The following NPAS3 variants were observed in gnomAD, a reference collection of about 807,000 sequenced individuals.
The protein encoded by NPAS3 is neuronal PAS domain protein 3.
Under a neutral mutation model 73.1 loss-of-function variants are expected in NPAS3, and 14 were observed. That is an observed-to-expected ratio of 0.19 (90% confidence interval 0.13 to 0.30). The LOEUF is 0.30. NPAS3 is among the 10% of genes least tolerant of loss of function. NPAS3 has a pLI of 1.00. For synonymous variants in NPAS3, 620 were observed against 541.5 expected, an observed-to-expected ratio of 1.14 and a Z score of -2.01; for missense variants, 1,096 against 1,250.0, an observed-to-expected ratio of 0.88 and a Z score of 1.86.
chr14:33,482,579 C>A (rs761928656), intron 4 of NPAS3, among the ~76,000 whole-genome samples: 1 of 152,044 alleles, frequency 6.6e-6, no homozygotes, highest in Non-Finnish European at 1.5e-5. Context: ...ACTCTAAAAC[C>A]CGAATTTTCA....
At chr14:33,783,848 T>G (rs142224048) in intron 9 of NPAS3, among the ~76,000 whole-genome samples, 2 of 152,338 alleles carry the variant, frequency 1.3e-5, no homozygotes, top group African/African-American at 4.8e-5. Flanking sequence ...CGTATTCATG[T>G]GAAAGCTTGA....
At chr14:33,384,387 G>T (rs1186698986) in intron 4 of NPAS3, among the ~76,000 whole-genome samples, 1 of 151,240 alleles carries the variant, frequency 6.6e-6, no homozygotes, top group African/African-American at 2.4e-5. Context: ...ATGTTTCTGT[G>T]TGTGTGTGTG....
intron 10 of NPAS3, 124 bp downstream of exon 10, chr14:33,794,168 C>T: frequency 2.5e-6 from 2 of 788,084 alleles, no homozygotes; most frequent in Non-Finnish European, 4.0e-6. Flanking sequence ...TGTGGAATTT[C>T]ATGGCAATTC....
chr14:33,363,018 G>C (rs2045676747), intron 3 of NPAS3, among the ~76,000 whole-genome samples: 1 of 152,184 alleles, frequency 6.6e-6, no homozygotes, highest in Non-Finnish European at 1.5e-5. Context: ...TGAAGGGAAA[G>C]AGCAGGGCAC....
intron 1 of NPAS3, among the ~76,000 whole-genome samples, chr14:33,028,929 C>T (rs565386236): frequency 1.3e-5 from 2 of 152,268 alleles, no homozygotes; most frequent in Non-Finnish European, 2.9e-5. Flanking sequence ...AATCCATCAT[C>T]TAAGTGTTAA....
At chr14:33,515,601 C>A (rs975401945) in intron 4 of NPAS3, among the ~76,000 whole-genome samples, 1 of 152,060 alleles carries the variant, frequency 6.6e-6, no homozygotes, top group Non-Finnish European at 1.5e-5. Context: ...ATATCGCCCA[C>A]GAATCCTAAA....
intron 1 of NPAS3, among the ~76,000 whole-genome samples, chr14:33,036,727 T>TA (rs148222698): frequency 0.023 from 3,434 of 151,644 alleles, 112 homozygotes; most frequent in African/African-American, 0.072. Context: ...TAAAAACAGT[T>TA]AAAAAAAAAT....
intron 5 of NPAS3, among the ~76,000 whole-genome samples, chr14:33,622,657 T>A (rs1029004127): frequency 6.6e-6 from 1 of 152,222 alleles, no homozygotes; most frequent in African/African-American, 2.4e-5. Flanking sequence ...CCATCCAGAT[T>A]GCAGCTCAGG....
At chr14:33,087,136 TATA>T (rs1247205858) in intron 2 of NPAS3, among the ~76,000 whole-genome samples, 1,010 of 100,854 alleles carry the variant, frequency 0.01, 14 homozygotes, top group African/African-American at 0.043. Flanking sequence ...TATAATATTG[TATA>T]ATAATATAGT....
intron 5 of NPAS3, among the ~76,000 whole-genome samples, chr14:33,637,755 C>A (rs374515764): frequency 6.6e-6 from 1 of 152,000 alleles, no homozygotes; most frequent in African/African-American, 2.4e-5. Context: ...CATTATTAAG[C>A]ACAAAACAAG....
chr14:33,359,344 A>T (rs2045486171), intron 3 of NPAS3, among the ~76,000 whole-genome samples: 1 of 152,220 alleles, frequency 6.6e-6, no homozygotes, highest in South Asian at 2.1e-4. Flanking sequence ...CAGTATTTGT[A>T]GCAGATGTTA....
intron 1 of NPAS3, among the ~76,000 whole-genome samples, chr14:32,946,348 G>A (rs2180269): frequency 0.048 from 6,620 of 139,320 alleles, 432 homozygotes; most frequent in African/African-American, 0.14. Context: ...ACACACACGC[G>A]CACACACACA....
At chr14:32,944,043 A>G (rs1240961222) in intron 1 of NPAS3, among the ~76,000 whole-genome samples, 2 of 152,224 alleles carry the variant, frequency 1.3e-5, no homozygotes, top group African/African-American at 2.4e-5. Context: ...AAATCCTTTT[A>G]ATGCTTTCCT....
chr14:33,477,926 C>T (rs941350662), intron 4 of NPAS3, among the ~76,000 whole-genome samples: 4 of 152,130 alleles, frequency 2.6e-5, no homozygotes, highest in African/African-American at 7.2e-5. Context: ...AAGTAGAGTG[C>T]TCCCCAAACC....
At chr14:33,412,475 G>A (rs2047972065) in intron 4 of NPAS3, among the ~76,000 whole-genome samples, 2 of 152,072 alleles carry the variant, frequency 1.3e-5, no homozygotes, top group African/African-American at 4.8e-5. Flanking sequence ...TTGCTCTGTA[G>A]CTTTTCCCTT....
chr14:33,612,471 C>A (rs1397877936), intron 5 of NPAS3: 1 of 456,088 alleles, frequency 2.2e-6, no homozygotes, highest in Non-Finnish European at 4.4e-6. Context: ...GGCAAAGTTA[C>A]AAAGCATTTA....
chr14:33,578,385 G>T, intron 5 of NPAS3: 1 of 360,094 alleles, frequency 2.8e-6, no homozygotes, highest in Non-Finnish European at 5.4e-6. Context: ...AGTAGAGACG[G>T]GTTTCTCCAT....
Position 32,965,168 on chromosome 14 carries a change from A to G in NPAS3, c.50+25802A>G, listed in dbSNP as rs1279783065. Among the ~76,000 whole-genome samples the G allele has an allele frequency of 3.3e-5, 5 of 152,186 alleles. No individual in the cohort carries two copies. In the East Asian group the frequency reaches 7.7e-4, roughly 23 times the overall value. ...AAAAACTAATACCAATTCTTATCAA[A>G]CTATTCAAAAAAATTGAAGTAGAGG... On this transcript the variant is annotated intron_variant, in intron 1 of 11. Transcript: ENST00000356141.
chr14:33,208,596 G>A lies in NPAS3; in HGVS notation c.141-6586G>A, dbSNP rs114509429. ...GTTGATACTTTATCAAATGTTAGCA[G>A]TTGCCGATGTTTTTTGACATTTTTT... On this transcript the variant is annotated intron_variant, in intron 2 of 11. Coordinates refer to ENST00000356141, the Ensembl canonical transcript of NPAS3. 2.4e-3 allele frequency among the ~76,000 whole-genome samples: 358 copies of A among 152,246 alleles called. 1 individual carries two copies. The highest frequency in any genetic ancestry group is 8.0e-3 in the African/African-American group (334 of 41,552).
Sources: gnomAD v4.1 joint callset for allele counts (sites outside exome capture counted in the v4.1 genomes callset) on GRCh38, gnomAD v4.1.1 for gene constraint, MANE v1.5 for transcripts, NCBI Gene and HGNC (gene_info 2026-07-23, HGNC 2026-07-21) for gene names.